Variants in CLMN observed in about 807,000 individuals in gnomAD.
CLMN encodes calmin.
A neutral mutation model predicts 92.7 loss-of-function variants in CLMN; 57 were observed. The observed-to-expected ratio is 0.61, with a 90% CI of 0.50 to 0.77. The LOEUF (loss-of-function observed/expected upper bound fraction) is 0.77, where lower values mean the gene tolerates loss of function less well. CLMN is among the 30% of genes least tolerant of loss of function. The pLI is 0.00. For missense variants in CLMN, 1,158 were observed against 1,237.5 expected (o/e 0.94, Z 0.96); for synonymous variants, 466 against 470.6 (o/e 0.99, Z 0.13).
intron 1 of CLMN, among the ~76,000 whole-genome samples, chr14:95,237,348 T>G (rs1030355223): frequency 1.3e-5 from 2 of 151,980 alleles, no homozygotes; most frequent in Non-Finnish European, 2.9e-5. Flanking sequence ...GCAGCCGGAG[T>G]CAGAGCTTGG....
intron 1 of CLMN, among the ~76,000 whole-genome samples, chr14:95,313,770 C>T (rs1390106519): frequency 6.6e-6 from 1 of 152,214 alleles, no homozygotes; most frequent in East Asian, 1.9e-4. Context: ...TCTTCTCAGA[C>T]ATAGGGCAGA....
rs1896642675 is a variant in CLMN at position 95,194,411 on chromosome 14, C to T, written c.2769+125G>A. The T allele has an allele frequency of 1.3e-6, 2 of 1,550,522 alleles. No individual in the cohort carries two copies. The highest frequency in any genetic ancestry group is 1.7e-6 in the Non-Finnish European group (2 of 1,147,268). ...AATGATAAGGTTCCAATCTGCTTGT[C>T]TTCTATCCAAAAGTATAGCTGTTGC... is the stretch of plus-strand genomic sequence containing the variant. On this transcript the variant is annotated intron_variant, in intron 11 of 12. Transcript: ENST00000298912. The surrounding 1 kb of genome is among the most constrained non-coding windows in gnomAD (Gnocchi z 4.0).
At position 95,191,834 on chromosome 14, in the gene CLMN, T is replaced by TTCGGGTCTTCAGGCGG; in HGVS notation, c.2841-103_2841-102insCCGCCTGAAGACCCGA. 1.7e-6 allele frequency: 2 copies of TTCGGGTCTTCAGGCGG among 1,161,516 alleles called. No individual in the cohort carries two copies. Among genetic ancestry groups the TTCGGGTCTTCAGGCGG allele is most frequent in the Non-Finnish European group, 2.4e-6 (2 of 832,096 alleles). 72.0% of individuals were successfully genotyped at this position (1,161,516 alleles called of 1,614,324 possible). On this transcript the variant is annotated intron_variant, in intron 12 of 12. Transcript: ENST00000298912. The surrounding 1 kb of genome is among the most constrained non-coding windows in gnomAD (Gnocchi z 5.3). ...CTCTCCCCGGCCCCCACTCCCCGCC[T>TTCGGGTCTTCAGGCGG]GAAGACCCGAAGGCTCCCCAGCACC...
At chr14:95,297,734 C>T (rs1362526841) in intron 1 of CLMN, among the ~76,000 whole-genome samples, 1 of 151,664 alleles carries the variant, frequency 6.6e-6, no homozygotes, top group Non-Finnish European at 1.5e-5. Flanking sequence ...CATGGATGTG[C>T]CACAATCTGT....
intron 1 of CLMN, among the ~76,000 whole-genome samples, chr14:95,233,763 G>C (rs141990611): frequency 6.6e-6 from 1 of 152,182 alleles, no homozygotes; most frequent in South Asian, 2.1e-4. Context: ...GGAACAAGGC[G>C]GGGGGTGGCC....
Position 95,221,742 on chromosome 14 carries a change from A to T in CLMN, c.273T>A (p.Ile91=). The T allele has an allele frequency of 1.2e-6, 2 of 1,614,194 alleles. No homozygotes were observed. Among genetic ancestry groups the T allele is most frequent in the Non-Finnish European group, 1.7e-6 (2 of 1,180,040 alleles). ...CTTTCGCTATGTTGTTCAACCGAAAAATACGATGCGACGAGGATTTGTATT... is the reference window on the plus strand; with the variant it reads ...CTTTCGCTATGTTGTTCAACCGAAATATACGATGCGACGAGGATTTGTATT... The part of the protein sequence containing the change: ...LHEYKSSSHR[I]FRLNNIAKAL... The change falls in exon 4 of 13, where the codon ATT becomes ATA. Residue 91 remains isoleucine (I), a synonymous_variant. Coordinates refer to ENST00000298912, the MANE Select transcript of CLMN (RefSeq NM_024734.4).
intron 1 of CLMN, among the ~76,000 whole-genome samples, chr14:95,232,762 A>C (rs906871330): frequency 1.3e-5 from 2 of 152,152 alleles, no homozygotes; most frequent in African/African-American, 4.8e-5. Flanking sequence ...GTCTGTCCCA[A>C]GCTCTATCGG....
intron 2 of CLMN, among the ~76,000 whole-genome samples, chr14:95,229,608 C>T (rs1014842158): frequency 6.6e-6 from 1 of 151,960 alleles, no homozygotes; most frequent in East Asian, 1.9e-4. Context: ...TGCAGGATGC[C>T]TGATGCAGAG....
chr14:95,245,213 T>TATATATAATATATATATATATA (rs1898456567), intron 1 of CLMN, among the ~76,000 whole-genome samples: 2 of 31,750 alleles, frequency 6.3e-5, no homozygotes, highest in Non-Finnish European at 9.7e-5. Context: ...ATATATTATA[T>TATATATAATATATATATATATA]ATATATATAT....
rs1194017043 is a variant in CLMN at position 95,191,065 on chromosome 14, G to T, written c.*499C>A. The T allele has an allele frequency of 6.6e-6, 1 of 152,490 alleles. No individual in the cohort carries two copies. The highest frequency in any genetic ancestry group is 2.4e-5 in the African/African-American group (1 of 41,446). 9.4% of individuals were successfully genotyped at this position (152,490 alleles called of 1,614,324 possible). A position where few individuals can be genotyped will look rare whatever the true frequency, so the allele number is the denominator to read the frequency against. ...GCAACCAGTTACCGGACTGCGACAGGTGCATGGACCCCAGCACCTTCTCTC... is the reference window on the plus strand; with the variant it reads ...GCAACCAGTTACCGGACTGCGACAGTTGCATGGACCCCAGCACCTTCTCTC... On this transcript the variant is annotated 3_prime_UTR_variant, in exon 13 of 13. Transcript: ENST00000298912. The surrounding 1 kb of genome is among the most constrained non-coding windows in gnomAD (Gnocchi z 5.3).
chr14:95,187,887 T>C lies in CLMN; in HGVS notation c.*3677A>G, dbSNP rs1566852357. 1 of 152,176 alleles carries C rather than the reference T, an allele frequency of 6.6e-6. No homozygotes were observed. The highest frequency in any genetic ancestry group is 1.5e-5 in the Non-Finnish European group (1 of 68,038). 9.4% of individuals were successfully genotyped at this position (152,176 alleles called of 1,614,324 possible). A position where few individuals can be genotyped will look rare whatever the true frequency, so the allele number is the denominator to read the frequency against. On this transcript the variant is annotated 3_prime_UTR_variant, in exon 13 of 13. Transcript: ENST00000298912. Reference sequence around the variant, plus strand: ...TATGTCTGGAGGAAGGGGCAAAAGGTGTCCTTTGCCAGTCAAGCCAAGTGC... The same window carrying C: ...TATGTCTGGAGGAAGGGGCAAAAGGCGTCCTTTGCCAGTCAAGCCAAGTGC...
chr14:95,236,192 T>C (rs1898049415), intron 1 of CLMN, among the ~76,000 whole-genome samples: 1 of 152,220 alleles, frequency 6.6e-6, no homozygotes, highest in Non-Finnish European at 1.5e-5. Flanking sequence ...CTTAGGAACA[T>C]GGCCGCTCAG....
chr14:95,268,679 C>G (rs966662420), intron 1 of CLMN, among the ~76,000 whole-genome samples: 1 of 151,676 alleles, frequency 6.6e-6, no homozygotes, highest in East Asian at 1.9e-4. Flanking sequence ...TCTGAACCAG[C>G]TGGAGGGATT....
chr14:95,298,776 A>T (rs972691062), intron 1 of CLMN, among the ~76,000 whole-genome samples: 2 of 152,216 alleles, frequency 1.3e-5, no homozygotes, highest in African/African-American at 4.8e-5. Context: ...AAGCATATTT[A>T]ACCTAACATC....
intron 10 of CLMN, among the ~76,000 whole-genome samples, chr14:95,195,321 GC>G (rs1441091361): frequency 6.6e-6 from 1 of 152,238 alleles, no homozygotes; most frequent in Non-Finnish European, 1.5e-5. Flanking sequence ...ATAGATGACT[GC>G]TAGACAGTCA....
At chr14:95,281,268 CT>C (rs1900135875) in intron 1 of CLMN, among the ~76,000 whole-genome samples, 3 of 152,164 alleles carry the variant, frequency 2.0e-5, no homozygotes, top group Admixed American at 2.0e-4. Context: ...GCTGTCACCG[CT>C]TATGGTTCCA....
At chr14:95,254,177 C>T (rs1041783111) in intron 1 of CLMN, among the ~76,000 whole-genome samples, 9 of 152,294 alleles carry the variant, frequency 5.9e-5, no homozygotes, top group Admixed American at 1.3e-4. Context: ...TCTCACCCAT[C>T]GTGCAGTTGT....
At chr14:95,298,315 G>A (rs754301104) in intron 1 of CLMN, among the ~76,000 whole-genome samples, 1 of 152,172 alleles carries the variant, frequency 6.6e-6, no homozygotes, top group Non-Finnish European at 1.5e-5. Flanking sequence ...AAGGTGAGTG[G>A]TGGGTTCTGC....
At chr14:95,209,335 T>G in intron 8 of CLMN, 60 bp downstream of exon 8, 2 of 1,516,432 alleles carry the variant, frequency 1.3e-6, no homozygotes, top group East Asian at 4.5e-5. Context: ...CTGCTTCGTC[T>G]GATGGCCAGC....
Sources: gnomAD v4.1 joint callset for allele counts (sites outside exome capture counted in the v4.1 genomes callset) on GRCh38, gnomAD v4.1.1 for gene constraint, Gnocchi (gnomAD v3.1) non-coding constraint, MANE v1.5 for transcripts, NCBI Gene and HGNC (gene_info 2026-07-23, HGNC 2026-07-21) for gene names.